Variants in FARP1 observed in about 807,000 individuals in gnomAD.
The protein encoded by FARP1 is FERM, ARHGEF and pleckstrin domain-containing protein 1.
A neutral mutation model predicts 128.8 loss-of-function variants in FARP1; 52 were observed. The ratio of observed to expected loss-of-function variants is 0.40; its 90% CI spans 0.32 to 0.51. FARP1 has a LOEUF of 0.51. Among genes scored for constraint, FARP1 ranks in the 20% least tolerant of loss-of-function variants. FARP1 has a pLI of 0.45. For synonymous variants in FARP1, 580 were observed against 551.8 expected (o/e 1.05, Z -0.72); for missense variants, 1,333 against 1,367.9 (o/e 0.97, Z 0.40).
intron 2 of FARP1, among the ~76,000 whole-genome samples, chr13:98,342,147 A>G (rs1424579899): frequency 6.6e-6 from 1 of 152,208 alleles, no homozygotes; most frequent in Admixed American, 6.5e-5. Context: ...TACTGCACAG[A>G]GTGCTACAGG....
intron 2 of FARP1, among the ~76,000 whole-genome samples, chr13:98,306,135 G>A (rs1198572016): frequency 6.6e-6 from 1 of 152,140 alleles, no homozygotes; most frequent in Non-Finnish European, 1.5e-5. Flanking sequence ...CAACGTTTGC[G>A]CTTTATGCAG....
chr13:98,351,433 A>G (rs2139909516), intron 3 of FARP1, among the ~76,000 whole-genome samples: 1 of 152,228 alleles, frequency 6.6e-6, no homozygotes, highest in South Asian at 2.1e-4. Flanking sequence ...TAACAGGGTG[A>G]AACCCCGTCT....
rs1415384037 is a variant in FARP1, at chr13:98,440,659, C to A, written c.2630-11C>A. 6.2e-7 allele frequency: 1 copy of A among 1,601,912 alleles called. No individual in the cohort carries two copies. Among genetic ancestry groups the A allele is most frequent in the Non-Finnish European group, 8.5e-7 (1 of 1,173,994 alleles). On this transcript the variant is annotated splice_polypyrimidine_tract_variant and intron_variant, in intron 23 of 26. Coordinates refer to ENST00000319562, the MANE Select transcript of FARP1 (RefSeq NM_005766.4). Reference sequence around the variant, plus strand: ...AAGATCAGAAGTGCTGCCTTTTGCCCCATCCTGTAGAGTCCCCTGATGAAG... The same window carrying A: ...AAGATCAGAAGTGCTGCCTTTTGCCACATCCTGTAGAGTCCCCTGATGAAG...
chr13:98,249,340 G>T (rs770266816), intron 2 of FARP1, among the ~76,000 whole-genome samples: 8 of 152,128 alleles, frequency 5.3e-5, no homozygotes, highest in Non-Finnish European at 7.3e-5. Context: ...AATGTACTTG[G>T]TGAACTTTTT....
intron 2 of FARP1, among the ~76,000 whole-genome samples, chr13:98,315,729 G>C (rs779428015): frequency 1.2e-4 from 18 of 152,204 alleles, no homozygotes; most frequent in Non-Finnish European, 2.1e-4. Flanking sequence ...AGAGGAGACT[G>C]TGAATGCTTG....
Position 98,176,142 on chromosome 13 carries a change from A to G in FARP1, c.-24+32650A>G, listed in dbSNP as rs373084773. ...TCAACAGGCTGCTTCTCCCCAGTGT[A>G]CATACAGACTTGAGTCTTTCTTATC... On this transcript the variant is annotated intron_variant, in intron 1 of 26. Transcript: ENST00000319562. This position sits in a 1 kb window ranked among gnomAD's most constrained non-coding sequence, Gnocchi z 6.2. The G allele has an allele frequency of 6.2e-7, 1 of 1,600,300 alleles. No individual in the cohort carries two copies. Among genetic ancestry groups the G allele is most frequent in the South Asian group, 1.1e-5 (1 of 90,316 alleles).
chr13:98,316,188 G>A (rs1048732415), intron 2 of FARP1, among the ~76,000 whole-genome samples: 1 of 152,128 alleles, frequency 6.6e-6, no homozygotes, highest in Admixed American at 6.5e-5. Flanking sequence ...TTTAACAGTA[G>A]AGTGAAGAGC....
Position 98,412,951 on chromosome 13 carries a change from G to C in FARP1, c.1826+917G>C, listed in dbSNP as rs753452700. 1.6e-4 allele frequency among the ~76,000 whole-genome samples: 24 copies of C among 152,340 alleles called. 1 individual carries two copies. The highest frequency in any genetic ancestry group is 6.5e-4 in the Admixed American group (10 of 15,310). On this transcript the variant is annotated intron_variant, in intron 16 of 26. Coordinates refer to ENST00000319562, the MANE Select transcript of FARP1 (RefSeq NM_005766.4). The stretch of plus-strand genomic sequence containing the variant: ...TCACTACCAGTGAGAATTTGGTTTG[G>C]AGTGGCCTCAGGGGCCCTCAGTGAC...
At chr13:98,220,875 A>G (rs1049186044) in intron 2 of FARP1, among the ~76,000 whole-genome samples, 7 of 152,138 alleles carry the variant, frequency 4.6e-5, no homozygotes, top group Non-Finnish European at 8.8e-5. Flanking sequence ...AAAAAAAACC[A>G]GTATAACCTA....
At chr13:98,265,476 C>T (rs1243238651) in intron 2 of FARP1, among the ~76,000 whole-genome samples, 296 of 151,020 alleles carry the variant, frequency 2.0e-3, no homozygotes, top group South Asian at 3.8e-3. Flanking sequence ...CCCGCCACTA[C>T]GCCCGGCTAA....
At chr13:98,394,690 C>T (rs1890446059) in intron 12 of FARP1, among the ~76,000 whole-genome samples, 2 of 152,160 alleles carry the variant, frequency 1.3e-5, no homozygotes, top group South Asian at 4.1e-4. Context: ...GTCCTAGCCA[C>T]TTGGGAGGCT....
chr13:98,221,701 A>C (rs964473826), intron 2 of FARP1, among the ~76,000 whole-genome samples: 1 of 152,148 alleles, frequency 6.6e-6, no homozygotes, highest in Non-Finnish European at 1.5e-5. Flanking sequence ...CTTAGCTTCA[A>C]AACTTTTCCA....
rs575933767 is a variant in FARP1 at position 98,181,920 on chromosome 13, A to G, written c.-23-31300A>G. Among the ~76,000 whole-genome samples, 14 of 152,318 alleles carry G rather than the reference A, an allele frequency of 9.2e-5. No individual in the cohort carries two copies. In the East Asian group the frequency reaches 2.5e-3, roughly 27 times the overall value. ...GACTTGAATTAAAGCAAAGGAAAAG[A>G]AACTAAAGCAAGATAGAAATGCTGA... On this transcript the variant is annotated intron_variant, in intron 1 of 26. Transcript: ENST00000319562.
intron 3 of FARP1, among the ~76,000 whole-genome samples, chr13:98,362,320 G>A (rs1888905948): frequency 6.6e-6 from 1 of 152,132 alleles, no homozygotes; most frequent in South Asian, 2.1e-4. Context: ...CCATTCTGTT[G>A]CCTCTTGCTT....
intron 3 of FARP1, among the ~76,000 whole-genome samples, chr13:98,346,213 G>A (rs1358164457): frequency 3.5e-5 from 4 of 115,528 alleles, no homozygotes; most frequent in Non-Finnish European, 5.8e-5. Context: ...TTTTTGAGAA[G>A]GTGTCTTTCT....
chr13:98,175,342 C>G (rs1877927361), intron 1 of FARP1, among the ~76,000 whole-genome samples: 1 of 152,038 alleles, frequency 6.6e-6, no homozygotes, highest in African/African-American at 2.4e-5. Flanking sequence ...TAACATCAGC[C>G]AAACAAAATC....
chr13:98,177,137 T>C, intron 1 of FARP1: 1 of 1,605,968 alleles, frequency 6.2e-7, no homozygotes, highest in Non-Finnish European at 8.5e-7. Flanking sequence ...GGGCGCTTTC[T>C]GAGGCCTGCA....
chr13:98,209,819 A>G (rs1185630189), intron 1 of FARP1, among the ~76,000 whole-genome samples: 48 of 137,190 alleles, frequency 3.5e-4, no homozygotes, highest in African/African-American at 1.2e-3. Flanking sequence ...AAAAAAAAAA[A>G]AAAAAAAAAA....
chr13:98,347,659 C>T (rs927564569), intron 3 of FARP1, among the ~76,000 whole-genome samples: 2 of 152,184 alleles, frequency 1.3e-5, no homozygotes, highest in African/African-American at 2.4e-5. Context: ...ACTTACATTG[C>T]CGTCACCTCT....
Sources: allele counts gnomAD v4.1 joint callset (sites outside exome capture counted in the v4.1 genomes callset), GRCh38; gene constraint gnomAD v4.1.1; non-coding constraint Gnocchi (gnomAD v3.1); transcripts MANE v1.5; gene names NCBI Gene and HGNC (gene_info 2026-07-23, HGNC 2026-07-21).